Variants in SERPINB11 observed in about 807,000 individuals in gnomAD.
SERPINB11 encodes serpin family B member 11, also known as serpin B11.
In SERPINB11, 32 loss-of-function variants were observed where a neutral mutation model predicts 36.7. The ratio of observed to expected loss-of-function variants is 0.87; its 90% confidence interval spans 0.66 to 1.17. SERPINB11 has a LOEUF of 1.17. SERPINB11 is among the 50% of genes most tolerant of loss of function. The probability of loss-of-function intolerance (pLI) is 0.00; values close to 1 mark genes in which losing one functional copy is unlikely to be tolerated. For synonymous variants in SERPINB11, 174 were observed against 168.1 expected, an observed-to-expected ratio of 1.04 and a Z score of -0.27; for missense variants, 528 against 458.4, an observed-to-expected ratio of 1.15 and a Z score of -1.39.
At chr18:63,712,915 G>A (rs1056741722) in intron 4 of SERPINB11, among the ~76,000 whole-genome samples, 1 of 152,156 alleles carries the variant, frequency 6.6e-6, no homozygotes, top group Non-Finnish European at 1.5e-5. Context: ...TGCTGTCTAA[G>A]AACCAAGGTC....
chr18:63,710,159 T>A lies in SERPINB11; in HGVS notation c.-15-20T>A. On this transcript the variant is annotated intron_variant, in intron 1 of 7. Coordinates refer to ENST00000544088, the MANE Select transcript of SERPINB11 (RefSeq NM_001370475.1). Reference sequence around the variant, plus strand: ...TAACTTCAAGTGATGTTCTGAGAATTTTTTCCCTTCTGTTCTCAGGCAGTC... The same window carrying A: ...TAACTTCAAGTGATGTTCTGAGAATATTTTCCCTTCTGTTCTCAGGCAGTC... 4.5e-6 allele frequency: 7 copies of A among 1,563,184 alleles called. No homozygotes were observed. Among genetic ancestry groups the A allele is most frequent in the Non-Finnish European group, 5.2e-6 (6 of 1,155,198 alleles).
intron 1 of SERPINB11, 148 bp from the exon 2 acceptor site, chr18:63,710,031 C>A (rs1914475614): frequency 9.6e-6 from 5 of 523,296 alleles, no homozygotes; most frequent in Non-Finnish European, 9.7e-6. Context: ...AGCATTTACT[C>A]ATTTCTCAGA....
chr18:63,714,690 G>A (rs770228451), intron 4 of SERPINB11, among the ~76,000 whole-genome samples: 2 of 152,038 alleles, frequency 1.3e-5, no homozygotes, highest in Non-Finnish European at 2.9e-5. Flanking sequence ...CAGATCTAAT[G>A]GTTATCTCCC....
At chr18:63,703,072 A>G (rs1265310636) in intron 1 of SERPINB11, 66 bp downstream of exon 1, 2 of 152,238 alleles carry the variant, frequency 1.3e-5, no homozygotes, top group Non-Finnish European at 2.9e-5. Context: ...ACAATAAATA[A>G]GAGTAAACTG....
chr18:63,715,929 A>C, intron 4 of SERPINB11, 106 bp from the exon 5 acceptor site: 1 of 605,960 alleles, frequency 1.7e-6, no homozygotes, highest in South Asian at 2.4e-5. Flanking sequence ...TGTTTATGGG[A>C]ACTGCTTTTT....
chr18:63,711,265 T>TA lies in SERPINB11; in HGVS notation c.169-69dup, dbSNP rs201363888. On this transcript the variant is annotated intron_variant, in intron 2 of 7. Coordinates refer to ENST00000544088, the MANE Select transcript of SERPINB11 (RefSeq NM_001370475.1). ...GATCTAAAATAGAAAAATAGATACTTACAACTGTCAACCTTTATAGACTGT... is the reference window on the plus strand; with the variant it reads ...GATCTAAAATAGAAAAATAGATACTTAACAACTGTCAACCTTTATAGACTGT... 2.5e-3 allele frequency: 2,646 copies of TA among 1,050,106 alleles called. 22 individuals carry two copies. In the African/African-American group the frequency reaches 0.031, roughly 12 times the overall value. The allele number at this position is 1,050,106 out of a possible 1,614,324, so 65.0% of individuals were successfully genotyped here. A position where few individuals can be genotyped will look rare whatever the true frequency, so the allele number is the denominator to read the frequency against.
At chr18:63,712,297 T>C (rs1351754171) in intron 3 of SERPINB11, among the ~76,000 whole-genome samples, 2 of 152,236 alleles carry the variant, frequency 1.3e-5, no homozygotes, top group African/African-American at 4.8e-5. Context: ...TTATGAAAAC[T>C]GCCTTTGAAT....
chr18:63,707,653 T>A (rs1209888220), intron 1 of SERPINB11, among the ~76,000 whole-genome samples: 1 of 152,228 alleles, frequency 6.6e-6, no homozygotes, highest in East Asian at 1.9e-4. Context: ...ATTCTCAGTT[T>A]GGTTCTGTGT....
chr18:63,702,496 C>A (rs7241844), upstream of SERPINB11: 4 of 151,806 alleles, frequency 2.6e-5, no homozygotes, highest in Admixed American at 2.6e-4. Flanking sequence ...GAGGCTGAGG[C>A]AGGAGAACTG....
At chr18:63,705,097 C>T (rs1035492505) in intron 1 of SERPINB11, among the ~76,000 whole-genome samples, 20 of 152,198 alleles carry the variant, frequency 1.3e-4, no homozygotes, top group African/African-American at 4.6e-4. Context: ...TGTTTTGAGA[C>T]AGGGTCTTAC....
At chr18:63,706,540 G>A (rs1403276674) in intron 1 of SERPINB11, among the ~76,000 whole-genome samples, 1 of 152,068 alleles carries the variant, frequency 6.6e-6, no homozygotes, top group Non-Finnish European at 1.5e-5. Flanking sequence ...GAAGATAGGA[G>A]GTAAAAGAAT....
intron 3 of SERPINB11, 91 bp from the exon 4 acceptor site, chr18:63,712,474 G>A: frequency 7.2e-7 from 1 of 1,391,122 alleles, no homozygotes; most frequent in Non-Finnish European, 1.0e-6. Context: ...TTTATTCAGA[G>A]GCAAACACCT....
In SERPINB11 at chr18:63,723,269, C is replaced by T. The variant is rs1914870187; in HGVS notation, c.1049C>T (p.Thr350Ile). Residue 350 changes from threonine (T) to isoleucine (I), a missense_variant, in exon 8 of 8, where the codon ACT becomes ATT. Physicochemically the swap from Thr to Ile is moderately conservative, Grantham distance 89 (BLOSUM62 -1). Transcript: ENST00000544088. ...GAGGGCACGGAGGCAGCAGCAGCCA[C>T]TGGGGACAGCATCGCTGTAAAAAGC... ...SEEGTEAAAATGDSIAVKSLP... is the reference protein window; with the variant it reads ...SEEGTEAAAAIGDSIAVKSLP... 1.2e-6 allele frequency: 2 copies of T among 1,613,964 alleles called. No homozygotes were observed. Among genetic ancestry groups the T allele is most frequent in the Non-Finnish European group, 1.7e-6 (2 of 1,179,866 alleles).
intron 5 of SERPINB11, among the ~76,000 whole-genome samples, chr18:63,719,808 T>G (rs2144548919): frequency 6.6e-6 from 1 of 152,236 alleles, no homozygotes; most frequent in Non-Finnish European, 1.5e-5. Flanking sequence ...GTCTTATGAT[T>G]AAATAATAAA....
chr18:63,711,951 C>T (rs980133718), intron 3 of SERPINB11, among the ~76,000 whole-genome samples: 1 of 152,072 alleles, frequency 6.6e-6, no homozygotes, highest in East Asian at 1.9e-4. Flanking sequence ...CTTCACGGAA[C>T]CCAACTTACT....
intron 4 of SERPINB11, among the ~76,000 whole-genome samples, chr18:63,715,071 C>T (rs555984653): frequency 1.9e-4 from 29 of 152,274 alleles, no homozygotes; most frequent in African/African-American, 6.0e-4. Flanking sequence ...TCAGTCCCTC[C>T]GTTCGGGGTC....
At chr18:63,711,690 G>T (rs1914530930) in intron 3 of SERPINB11, among the ~76,000 whole-genome samples, 1 of 151,988 alleles carries the variant, frequency 6.6e-6, no homozygotes, top group Non-Finnish European at 1.5e-5. Flanking sequence ...TTGTCTATGT[G>T]GTGTTAGACT....
chr18:63,720,278 AT>A (rs1396184975), intron 6 of SERPINB11, 123 bp downstream of exon 6: 1 of 871,642 alleles, frequency 1.1e-6, no homozygotes, highest in East Asian at 2.9e-5. Context: ...GGTTCTTTTT[AT>A]TGTATTTTCT....
chr18:63,714,247 G>A (rs949585728), intron 4 of SERPINB11, among the ~76,000 whole-genome samples: 1 of 152,166 alleles, frequency 6.6e-6, no homozygotes, highest in Non-Finnish European at 1.5e-5. Flanking sequence ...GGGAGGGAGT[G>A]TACGAATAGG....
Sources: gnomAD v4.1 joint callset for allele counts (sites outside exome capture counted in the v4.1 genomes callset) on GRCh38, gnomAD v4.1.1 for gene constraint, MANE v1.5 for transcripts, NCBI Gene and HGNC (gene_info 2026-07-23, HGNC 2026-07-21) for gene names.